Variants in ZNF85 observed in about 807,000 individuals in gnomAD.
The protein encoded by ZNF85 is zinc finger protein 85.
A neutral mutation model predicts 53.9 loss-of-function variants in ZNF85; 50 were observed. That is an observed-to-expected ratio of 0.93 (90% CI 0.74 to 1.17). ZNF85 has a LOEUF of 1.17. ZNF85 is among the 50% of genes most tolerant of loss of function. The pLI is 0.00. For synonymous variants in ZNF85, 225 were observed against 226.1 expected (o/e 1.00, Z 0.04); for missense variants, 747 against 688.5 (o/e 1.08, Z -0.95).
chr19:20,948,733 G>T lies in ZNF85; in HGVS notation c.230-11G>T, dbSNP rs750164852. On this transcript the variant is annotated splice_polypyrimidine_tract_variant and intron_variant, in intron 3 of 3. Transcript: ENST00000328178. ...GCAAGTGGAGTAATTTGTCATTTTTGTTTCTTTCAGTTATGTGTTCTCATT... is the reference window on the plus strand; with the variant it reads ...GCAAGTGGAGTAATTTGTCATTTTTTTTTCTTTCAGTTATGTGTTCTCATT... 1.3e-6 allele frequency: 2 copies of T among 1,509,320 alleles called. No individual in the cohort carries two copies. The highest frequency in any genetic ancestry group is 1.8e-6 in the Non-Finnish European group (2 of 1,129,594). 93.5% of individuals were successfully genotyped at this position (1,509,320 alleles called of 1,614,324 possible). A position where few individuals can be genotyped will look rare whatever the true frequency, so the allele number is the denominator to read the frequency against.
In ZNF85 at chr19:20,934,106, A is replaced by G. The variant is rs1973098756; in HGVS notation, c.86A>G (p.Tyr29Cys). ...CTGGACACTGCACAGCGGAATTTAT[A>G]TAGAAATGTGATGTTAGAGAACTAC... The part of the protein sequence containing the change: ...QCLDTAQRNL[Y>C]RNVMLENYRN... The change falls in exon 2 of 4, where the codon TAT becomes TGT. Residue 29 changes from tyrosine to cysteine, a missense_variant. By Grantham distance (194) the Tyr-to-Cys change is radical. Coordinates refer to ENST00000328178, the MANE Select transcript of ZNF85 (RefSeq NM_003429.5). 3 of 1,612,712 alleles carry G rather than the reference A, an allele frequency of 1.9e-6. No homozygotes were observed. The highest frequency in any genetic ancestry group is 1.1e-5 in the South Asian group (1 of 91,042).
At chr19:20,924,081 G>A (rs1287656111) in intron 1 of ZNF85, among the ~76,000 whole-genome samples, 1 of 132,286 alleles carries the variant, frequency 7.6e-6, no homozygotes, top group East Asian at 2.1e-4. Context: ...GTGAAACTCC[G>A]TCTCAAAAAA....
chr19:20,926,041 G>A (rs951536799), intron 1 of ZNF85, among the ~76,000 whole-genome samples: 1 of 152,180 alleles, frequency 6.6e-6, no homozygotes, highest in Non-Finnish European at 1.5e-5. Context: ...GTGTGCTTAT[G>A]GCTGGGTGAT....
chr19:20,944,063 TTTTG>T (rs1165902889), intron 3 of ZNF85: 6 of 288,574 alleles, frequency 2.1e-5, no homozygotes, highest in Non-Finnish European at 2.6e-5. Context: ...CAGATTTATA[TTTTG>T]TTTTTCATAT....
intron 3 of ZNF85, among the ~76,000 whole-genome samples, chr19:20,938,862 GTGTGTGTGTGTGTGTATATATA>G (rs756060120): frequency 2.2e-4 from 32 of 147,814 alleles, no homozygotes; most frequent in Non-Finnish European, 3.5e-4. Flanking sequence ...GTGTGTGTGT[GTGTGTGTGTGTGTGTATATATA>G]TGTGTGTGTG....
In ZNF85 at chr19:20,949,955, C is replaced by G. The variant is rs746942638; in HGVS notation, c.1441C>G (p.Pro481Ala). ...RHKKSHTEEK[P>A]YKCEECGKGF... ...TAAGAAAAGTCATACAGAAGAGAAA[C>G]CTTACAAATGTGAAGAATGTGGCAA... Residue 481 changes from proline (P) to alanine (A), a missense_variant, in exon 4 of 4, where the codon CCT becomes GCT. Transcript: ENST00000328178. 4.8e-5 allele frequency: 78 copies of G among 1,612,428 alleles called. No individual in the cohort carries two copies. Among genetic ancestry groups the G allele is most frequent in the Non-Finnish European group, 6.6e-5 (78 of 1,179,232 alleles).
At chr19:20,938,729 T>C (rs148980120) in intron 3 of ZNF85, among the ~76,000 whole-genome samples, 2 of 152,318 alleles carry the variant, frequency 1.3e-5, no homozygotes, top group South Asian at 2.1e-4. Flanking sequence ...TTAAGTTTGC[T>C]GCAGGCAAAA....
At chr19:20,927,037 G>A (rs1039687560) in intron 1 of ZNF85, 1 of 152,074 alleles carries the variant, frequency 6.6e-6, no homozygotes, top group South Asian at 2.1e-4. Context: ...ATCAGATAAT[G>A]TTTTACCCTG....
chr19:20,934,979 C>T lies in ZNF85; in HGVS notation c.161C>T (p.Thr54Ile). ...ACTGTTTCTAAGCCAGACCTGATCA[C>T]TTGTCTGGAGCAAGGGAAAGAGGCC... ...GITVSKPDLI[T>I]CLEQGKEAWS... The change falls in exon 3 of 4, where the codon ACT (threonine) becomes ATT (isoleucine). Residue 54 changes from threonine to isoleucine, a missense_variant. By Grantham distance (89) the Thr-to-Ile change is moderately conservative. Coordinates refer to ENST00000328178, the MANE Select transcript of ZNF85 (RefSeq NM_003429.5). 1 of 1,611,042 alleles carries T rather than the reference C, an allele frequency of 6.2e-7. No homozygotes were observed. Among genetic ancestry groups the T allele is most frequent in the Admixed American group, 1.7e-5 (1 of 59,842 alleles).
chr19:20,931,710 C>T (rs751635606), intron 1 of ZNF85, among the ~76,000 whole-genome samples: 2 of 146,018 alleles, frequency 1.4e-5, no homozygotes, highest in East Asian at 2.0e-4. Context: ...TGGGTTCAAG[C>T]GATTCTCTTG....
chr19:20,945,039 GA>G (rs1335724948), intron 3 of ZNF85, among the ~76,000 whole-genome samples: 1 of 151,892 alleles, frequency 6.6e-6, no homozygotes, highest in African/African-American at 2.4e-5. Flanking sequence ...TCTTATTTGT[GA>G]ATCTATATTA....
intron 1 of ZNF85, chr19:20,927,435 A>G (rs1972905335): frequency 6.6e-6 from 1 of 150,970 alleles, no homozygotes; most frequent in Non-Finnish European, 1.5e-5. Flanking sequence ...CCTGGGCAAC[A>G]AGATCAAAAG....
intron 3 of ZNF85, among the ~76,000 whole-genome samples, chr19:20,941,075 A>G (rs1973283887): frequency 6.6e-6 from 1 of 152,228 alleles, no homozygotes; most frequent in Non-Finnish European, 1.5e-5. Flanking sequence ...AACATTTATA[A>G]CATTTTAAAA....
chr19:20,934,283 G>T (rs1599433309), intron 2 of ZNF85, 133 bp downstream of exon 2: 2 of 1,240,982 alleles, frequency 1.6e-6, no homozygotes, highest in East Asian at 5.0e-5. Flanking sequence ...AAAATCTTGG[G>T]GATTAATACA....
rs1250419692 is a variant in ZNF85, at chr19:20,948,850, A to G, written c.336A>G (p.Leu112=). The part of the protein sequence containing the change: ...KRYGKCRHEN[L]PLRKGCESMD... ...ATGGAAAATGTAGACATGAAAATTT[A>G]CCATTAAGAAAAGGCTGTGAAAGTA... The change falls in exon 4 of 4, where the codon TTA becomes TTG. Residue 112 remains leucine (L), a synonymous_variant. Coordinates refer to ENST00000328178, the MANE Select transcript of ZNF85 (RefSeq NM_003429.5). 1 of 1,613,182 alleles carries G rather than the reference A, an allele frequency of 6.2e-7. No individual in the cohort carries two copies. Among genetic ancestry groups the G allele is most frequent in the Non-Finnish European group, 8.5e-7 (1 of 1,179,658 alleles).
chr19:20,934,593 C>G (rs900931541), intron 2 of ZNF85, among the ~76,000 whole-genome samples: 3 of 151,884 alleles, frequency 2.0e-5, no homozygotes, highest in Non-Finnish European at 2.9e-5. Context: ...CACGGTGAAA[C>G]CCCGTCTCTA....
chr19:20,930,377 A>G (rs1972986479), intron 1 of ZNF85, among the ~76,000 whole-genome samples: 1 of 148,956 alleles, frequency 6.7e-6, no homozygotes, highest in African/African-American at 2.5e-5. Context: ...ATACAAACAC[A>G]GTAAAAAACT....
chr19:20,945,978 T>C lies in ZNF85; in HGVS notation c.230-2766T>C, dbSNP rs113779859. Among the ~76,000 whole-genome samples, 631 of 152,188 alleles carry C rather than the reference T, an allele frequency of 4.1e-3. 4 individuals are homozygous for C. Among genetic ancestry groups the C allele is most frequent in the African/African-American group, 0.014 (592 of 41,546 alleles). The stretch of plus-strand genomic sequence containing the variant: ...GTCTATGTTTTCAGCTTTATACTTA[T>C]ACCAAGTTGTTTTAATTTTGTAGCT... On this transcript the variant is annotated intron_variant, in intron 3 of 3. Transcript: ENST00000328178.
intron 3 of ZNF85, among the ~76,000 whole-genome samples, chr19:20,940,406 G>A (rs1304627755): frequency 6.6e-6 from 1 of 152,004 alleles, no homozygotes; most frequent in African/African-American, 2.4e-5. Flanking sequence ...GCATTTTGGT[G>A]TGCACTTGTG....
Sources: allele counts gnomAD v4.1 joint callset (sites outside exome capture counted in the v4.1 genomes callset), GRCh38; gene constraint gnomAD v4.1.1; transcripts MANE v1.5; gene names NCBI Gene and HGNC (gene_info 2026-07-23, HGNC 2026-07-21).